The following IMMP2L variants were observed in gnomAD, a reference collection of about 807,000 sequenced individuals.
IMMP2L encodes inner mitochondrial membrane peptidase subunit 2.
IMMP2L carries 18 observed loss-of-function variants against 19.3 expected under a neutral mutation model. That is an observed-to-expected ratio of 0.93 (90% CI 0.64 to 1.38). The LOEUF is 1.38. Among genes scored for constraint, IMMP2L ranks in the 40% most tolerant of loss-of-function variants. IMMP2L has a pLI of 0.00. For synonymous variants in IMMP2L, 76 were observed against 73.0 expected, an observed-to-expected ratio of 1.04 and a Z score of -0.21; for missense variants, 233 against 218.2, an observed-to-expected ratio of 1.07 and a Z score of -0.43.
chr7:110,687,534 G>A (rs1793200800), intron 5 of IMMP2L, among the ~76,000 whole-genome samples: 1 of 152,024 alleles, frequency 6.6e-6, no homozygotes, highest in Non-Finnish European at 1.5e-5. Flanking sequence ...GGAAGTTCAG[G>A]AGGGAACTTC....
intron 4 of IMMP2L, among the ~76,000 whole-genome samples, chr7:110,909,874 T>C (rs150724200): frequency 1.6e-3 from 242 of 150,544 alleles, no homozygotes; most frequent in Admixed American, 2.2e-3. Context: ...TAGAAAAGCA[T>C]CAGTGTTAAA....
intron 5 of IMMP2L, among the ~76,000 whole-genome samples, chr7:110,882,329 C>A (rs1239951803): frequency 3.1e-5 from 4 of 127,594 alleles, no homozygotes; most frequent in African/African-American, 8.2e-5. Context: ...TCCTTCCTTC[C>A]TTCCTTCCTT....
intron 3 of IMMP2L, among the ~76,000 whole-genome samples, chr7:111,067,279 G>A (rs770803666): frequency 3.9e-5 from 6 of 152,146 alleles, no homozygotes; most frequent in Non-Finnish European, 8.8e-5. Flanking sequence ...ATCAGTGTTG[G>A]GAACTGTTCT....
At chr7:111,003,275 T>C (rs1823914147) in intron 3 of IMMP2L, among the ~76,000 whole-genome samples, 1 of 152,156 alleles carries the variant, frequency 6.6e-6, no homozygotes, top group Non-Finnish European at 1.5e-5. Context: ...TTAGAGATTT[T>C]TGCCATACAA....
At chr7:110,689,728 T>C (rs916128437) in intron 5 of IMMP2L, among the ~76,000 whole-genome samples, 1 of 152,178 alleles carries the variant, frequency 6.6e-6, no homozygotes, top group African/African-American at 2.4e-5. Flanking sequence ...ATATATGTTT[T>C]CATCATTTTG....
At chr7:110,818,967 G>C (rs1169424524) in intron 5 of IMMP2L, among the ~76,000 whole-genome samples, 1 of 108,206 alleles carries the variant, frequency 9.2e-6, no homozygotes, top group Non-Finnish European at 1.7e-5. Context: ...TTGTTGGGTG[G>C]GGGGCGGGGG....
At chr7:110,688,347 C>CA (rs1239396423) in intron 5 of IMMP2L, among the ~76,000 whole-genome samples, 2 of 151,922 alleles carry the variant, frequency 1.3e-5, no homozygotes, top group African/African-American at 4.8e-5. Context: ...CACACAAAAA[C>CA]AAAAATGGTA....
At chr7:111,030,302 GCTAAAAA>G (rs1293932348) in intron 3 of IMMP2L, among the ~76,000 whole-genome samples, 1 of 151,748 alleles carries the variant, frequency 6.6e-6, no homozygotes, top group African/African-American at 2.4e-5. Flanking sequence ...TATAATATGT[GCTAAAAA>G]CTGATGCTAC....
intron 5 of IMMP2L, among the ~76,000 whole-genome samples, chr7:110,767,311 C>T (rs895687057): frequency 2.6e-5 from 4 of 152,082 alleles, no homozygotes; most frequent in Admixed American, 1.3e-4. Context: ...ATGGGAGAAA[C>T]GATGTTCCTA....
Position 111,455,627 on chromosome 7 carries a change from A to G in IMMP2L, c.239+31611T>C, listed in dbSNP as rs1170279432. On this transcript the variant is annotated intron_variant, in intron 3 of 5. Transcript: ENST00000405709. ...ATCCCTAGAAGCAAAAAGGCTGCCA[A>G]TTAAACTAAGACATAATGCTTTTTT... Among the ~76,000 whole-genome samples, 8 of 136,008 alleles carry G rather than the reference A, an allele frequency of 5.9e-5. No individual in the cohort carries two copies. The East Asian group carries it at 1.6e-3, about 27-fold the overall frequency. 89.2% of individuals were successfully genotyped at this position (136,008 alleles called of 152,430 possible). A position where few individuals can be genotyped will look rare whatever the true frequency, so the allele number is the denominator to read the frequency against.
chr7:110,766,980 G>T (rs1798708253), intron 5 of IMMP2L, among the ~76,000 whole-genome samples: 1 of 152,016 alleles, frequency 6.6e-6, no homozygotes, highest in Non-Finnish European at 1.5e-5. Context: ...TGCGTGAGGG[G>T]AGAAAAACAA....
intron 5 of IMMP2L, among the ~76,000 whole-genome samples, chr7:110,777,001 C>G (rs961189102): frequency 6.6e-6 from 1 of 151,978 alleles, no homozygotes; most frequent in Non-Finnish European, 1.5e-5. Context: ...CTGCAACTTT[C>G]TAAGACAGGG....
intron 5 of IMMP2L, among the ~76,000 whole-genome samples, chr7:110,814,717 ATG>A (rs999605631): frequency 4.0e-5 from 6 of 148,486 alleles, no homozygotes; most frequent in Non-Finnish European, 6.0e-5. Context: ...ATATATATAT[ATG>A]TATATATATA....
At chr7:110,671,135 T>C (rs529640908) in intron 5 of IMMP2L, among the ~76,000 whole-genome samples, 61 of 152,372 alleles carry the variant, frequency 4.0e-4, no homozygotes, top group Non-Finnish European at 7.1e-4. Flanking sequence ...TGTGTCTTAA[T>C]AGAACTCTTG....
intron 4 of IMMP2L, among the ~76,000 whole-genome samples, chr7:110,892,879 G>A (rs972650289): frequency 3.3e-5 from 5 of 152,044 alleles, no homozygotes; most frequent in Non-Finnish European, 5.9e-5. Flanking sequence ...AAACACTTGA[G>A]TTACCCAAAA....
intron 2 of IMMP2L, among the ~76,000 whole-genome samples, chr7:111,499,920 C>T (rs1205939292): frequency 6.6e-6 from 1 of 152,082 alleles, no homozygotes; most frequent in Non-Finnish European, 1.5e-5. Context: ...ATCTGAGGTA[C>T]CGGGTTCATC....
chr7:110,860,058 A>G (rs1807233862), intron 5 of IMMP2L, among the ~76,000 whole-genome samples: 1 of 152,086 alleles, frequency 6.6e-6, no homozygotes, highest in African/African-American at 2.4e-5. Context: ...TGTTGTTATA[A>G]TCAAAGCTTC....
At chr7:111,029,549 C>G (rs1827188957) in intron 3 of IMMP2L, among the ~76,000 whole-genome samples, 1 of 152,060 alleles carries the variant, frequency 6.6e-6, no homozygotes, top group African/African-American at 2.4e-5. Flanking sequence ...ACCTAAGATC[C>G]AAAGGTTTTC....
rs1472290838 is a variant in IMMP2L, at chr7:111,213,136, A to G, written c.240-249571T>C. Among the ~76,000 whole-genome samples, 1 of 152,244 alleles carries G rather than the reference A, an allele frequency of 6.6e-6. No individual in the cohort carries two copies. The highest frequency in any genetic ancestry group is 1.5e-5 in the Non-Finnish European group (1 of 68,034). The stretch of plus-strand genomic sequence containing the variant: ...GCCAGGAAAGGCCCCCTGTCTCTGC[A>G]GGCTCAGAGGTGCCTGCTGTCACTG... On this transcript the variant is annotated intron_variant, in intron 3 of 5. Transcript: ENST00000405709. The surrounding 1 kb of genome is among the most constrained non-coding windows in gnomAD (Gnocchi z 4.8).
Sources: allele counts gnomAD v4.1 joint callset (sites outside exome capture counted in the v4.1 genomes callset), GRCh38; gene constraint gnomAD v4.1.1; non-coding constraint Gnocchi (gnomAD v3.1); transcripts MANE v1.5; gene names NCBI Gene and HGNC (gene_info 2026-07-23, HGNC 2026-07-21).